Variants in GFRA2 observed in about 807,000 individuals in gnomAD.
GFRA2 encodes the protein GDNF family receptor alpha 2, also known as GDNF family receptor alpha-2.
A neutral mutation model predicts 48.3 loss-of-function variants in GFRA2; 17 were observed. The observed-to-expected ratio is 0.35, with a 90% CI of 0.24 to 0.53. GFRA2 has a LOEUF of 0.53. Ranked by LOEUF, GFRA2 falls within the 20% of genes least tolerant of loss-of-function variation. The pLI is 0.93. For missense variants in GFRA2, 660 were observed against 637.3 expected (o/e 1.04, Z -0.38); for synonymous variants, 305 against 257.2 (o/e 1.19, Z -1.78).
rs778206194 is a variant in GFRA2, at chr8:21,690,777, C to A, written c.*2501G>T. 4 of 152,504 alleles carry A rather than the reference C, an allele frequency of 2.6e-5. No homozygotes were observed. Among genetic ancestry groups the A allele is most frequent in the Non-Finnish European group, 5.9e-5 (4 of 68,132 alleles). The allele number at this position is 152,504 out of a possible 1,614,324, so 9.4% of individuals were successfully genotyped here. A position where few individuals can be genotyped will look rare whatever the true frequency, so the allele number is the denominator to read the frequency against. The stretch of plus-strand genomic sequence containing the variant: ...CAGAATGCTGACCCTGTACATCCTG[C>A]CTTCCAGCCCCTCAGATGCCCTCCA... On this transcript the variant is annotated 3_prime_UTR_variant, in exon 9 of 9. Coordinates refer to ENST00000524240, the MANE Select transcript of GFRA2 (RefSeq NM_001495.5).
chr8:21,767,788 T>C (rs1806250368), intron 3 of GFRA2, among the ~76,000 whole-genome samples: 1 of 152,168 alleles, frequency 6.6e-6, no homozygotes, highest in Non-Finnish European at 1.5e-5. Context: ...TGAAAGAGGC[T>C]TTGGTTGTGG....
At chr8:21,713,064 A>AAGGGAGAGGGAG (rs904634386) in intron 4 of GFRA2, among the ~76,000 whole-genome samples, 4 of 129,676 alleles carry the variant, frequency 3.1e-5, no homozygotes, top group Non-Finnish European at 4.7e-5. Context: ...AGACGAGGGA[A>AAGGGAGAGGGAG]AGGGAGAGGG....
chr8:21,704,906 A>C, intron 6 of GFRA2, 79 bp downstream of exon 6: 97 of 1,059,052 alleles, frequency 9.2e-5, no homozygotes, highest in Non-Finnish European at 1.3e-4. Flanking sequence ...TCCCCACGGA[A>C]GGAGATGGGA....
At position 21,758,203 on chromosome 8, in the gene GFRA2, C is replaced by G. The variant is rs186933558; in HGVS notation, c.440-7261G>C. Among the ~76,000 whole-genome samples the G allele has an allele frequency of 5.2e-4, 58 of 111,544 alleles. 1 individual carries two copies. In the East Asian group the frequency reaches 0.013, roughly 25 times the overall value. The allele number at this position is 111,544 out of a possible 152,430, so 73.2% of individuals were successfully genotyped here. On this transcript the variant is annotated intron_variant, in intron 3 of 8. Coordinates refer to ENST00000524240, the MANE Select transcript of GFRA2 (RefSeq NM_001495.5). Reference sequence around the variant, plus strand: ...GGAGCAGGGCTGCCCTTGGCCCACTCCCCACACACACACACACACACACAC... The same window carrying G: ...GGAGCAGGGCTGCCCTTGGCCCACTGCCCACACACACACACACACACACAC...
At chr8:21,800,986 T>C (rs1807760102) in intron 2 of GFRA2, among the ~76,000 whole-genome samples, 1 of 149,952 alleles carries the variant, frequency 6.7e-6, no homozygotes, top group Non-Finnish European at 1.5e-5. Context: ...AGAAGACAGA[T>C]ACCATCCCAC....
At chr8:21,804,349 C>T (rs937290353) in intron 2 of GFRA2, among the ~76,000 whole-genome samples, 8 of 150,836 alleles carry the variant, frequency 5.3e-5, no homozygotes, top group Admixed American at 2.6e-4. Context: ...ATCGGCAAAA[C>T]GGGAATAATA....
rs375498713 is a variant in GFRA2 at position 21,750,490 on chromosome 8, A to G, written c.794+98T>C. 9.0e-5 allele frequency: 60 copies of G among 669,938 alleles called. 1 individual carries two copies. The highest frequency in any genetic ancestry group is 4.3e-4 in the South Asian group (23 of 52,998). The allele number at this position is 669,938 out of a possible 1,614,324, so 41.5% of individuals were successfully genotyped here. A position where few individuals can be genotyped will look rare whatever the true frequency, so the allele number is the denominator to read the frequency against. ...CACCCTTTCTGCTGGACTCAGGGTC[A>G]TAATTCGATGCACCCAAGGAATGCA... On this transcript the variant is annotated intron_variant, in intron 4 of 8. Coordinates refer to ENST00000524240, the MANE Select transcript of GFRA2 (RefSeq NM_001495.5). This position sits in a 1 kb window ranked among gnomAD's most constrained non-coding sequence, Gnocchi z 5.7.
At chr8:21,733,649 T>A (rs955223233) in intron 4 of GFRA2, among the ~76,000 whole-genome samples, 1 of 152,156 alleles carries the variant, frequency 6.6e-6, no homozygotes, top group Non-Finnish European at 1.5e-5. Flanking sequence ...TTAAAGTACA[T>A]CTCTCTGCAG....
intron 4 of GFRA2, among the ~76,000 whole-genome samples, chr8:21,741,889 C>G (rs932840179): frequency 6.7e-6 from 1 of 150,168 alleles, no homozygotes; most frequent in Admixed American, 6.6e-5. Flanking sequence ...GCCACTGCAC[C>G]CAGCCTGGGT....
At chr8:21,741,229 G>A (rs1413568774) in intron 4 of GFRA2, among the ~76,000 whole-genome samples, 3 of 152,198 alleles carry the variant, frequency 2.0e-5, no homozygotes, top group South Asian at 4.1e-4. Context: ...CTCAACCTGT[G>A]CATCTCTCTC....
At chr8:21,781,651 C>T (rs1268657742) in intron 2 of GFRA2, among the ~76,000 whole-genome samples, 3 of 147,040 alleles carry the variant, frequency 2.0e-5, no homozygotes, top group African/African-American at 7.9e-5. Flanking sequence ...CCTTATTTAT[C>T]CGCACCTCCC....
intron 2 of GFRA2, among the ~76,000 whole-genome samples, chr8:21,799,641 C>G (rs1807737988): frequency 6.6e-6 from 1 of 152,248 alleles, no homozygotes; most frequent in Admixed American, 6.5e-5. Context: ...ACACAATAAA[C>G]TGCCTTATTC....
At chr8:21,734,367 G>A (rs1474998557) in intron 4 of GFRA2, among the ~76,000 whole-genome samples, 1 of 152,222 alleles carries the variant, frequency 6.6e-6, no homozygotes, top group African/African-American at 2.4e-5. Context: ...TGCCTTCTGG[G>A]GGTCTACCCA....
chr8:21,798,942 G>C (rs1294860336), intron 2 of GFRA2, among the ~76,000 whole-genome samples: 2 of 152,156 alleles, frequency 1.3e-5, no homozygotes, highest in Non-Finnish European at 2.9e-5. Flanking sequence ...TCAACTCAAA[G>C]CTCTGTTCGA....
chr8:21,787,270 G>A (rs1413348622), intron 1 of GFRA2, among the ~76,000 whole-genome samples: 1 of 146,522 alleles, frequency 6.8e-6, no homozygotes, highest in African/African-American at 2.5e-5. Flanking sequence ...CGGCGGGGGG[G>A]GCAGTGGGGG....
At chr8:21,786,846 C>T (rs1247559856) in intron 1 of GFRA2, among the ~76,000 whole-genome samples, 2 of 152,178 alleles carry the variant, frequency 1.3e-5, no homozygotes, top group Admixed American at 6.5e-5. Context: ...CCTCCCCACT[C>T]GTGGCCTTCC....
intron 2 of GFRA2, among the ~76,000 whole-genome samples, chr8:21,798,398 T>C (rs1585351855): frequency 6.6e-6 from 1 of 151,164 alleles, no homozygotes; most frequent in Non-Finnish European, 1.5e-5. Context: ...GAGGGAGGGA[T>C]GTGTGTACTG....
At chr8:21,734,063 C>A (rs1804333236) in intron 4 of GFRA2, among the ~76,000 whole-genome samples, 1 of 152,178 alleles carries the variant, frequency 6.6e-6, no homozygotes, top group African/African-American at 2.4e-5. Context: ...GAACTGGGGG[C>A]CTCCACCGAA....
chr8:21,761,138 A>G (rs1805890235), intron 3 of GFRA2, among the ~76,000 whole-genome samples: 1 of 152,046 alleles, frequency 6.6e-6, no homozygotes. Context: ...ATGCTGGATG[A>G]CTGTCATCTC....
Sources: allele counts gnomAD v4.1 joint callset (sites outside exome capture counted in the v4.1 genomes callset), GRCh38; gene constraint gnomAD v4.1.1; non-coding constraint Gnocchi (gnomAD v3.1); transcripts MANE v1.5; gene names NCBI Gene and HGNC (gene_info 2026-07-23, HGNC 2026-07-21).